Variants in FARS2 observed in about 807,000 individuals in gnomAD.
FARS2 encodes the protein phenylalanyl-tRNA synthetase 2, mitochondrial.
Under a neutral mutation model 46.4 loss-of-function variants are expected in FARS2, and 40 were observed. That is an observed-to-expected ratio of 0.86 (90% CI 0.67 to 1.12). FARS2 has a LOEUF of 1.12. Ranked by LOEUF, FARS2 falls within the 50% of genes most tolerant of loss-of-function variation. FARS2 has a pLI of 0.00. For missense variants in FARS2, 513 were observed against 567.9 expected (o/e 0.90, Z 0.98); for synonymous variants, 234 against 214.9 (o/e 1.09, Z -0.78).
chr6:5,404,584 G>C lies in FARS2; in HGVS notation c.655G>C (p.Glu219Gln), dbSNP rs1562015386. ...IKDGESLQLF[E>Q]QSSRSAHKQE... ...GGATGGAGAAAGCCTGCAGCTCTTT[G>C]AACAAAGTTCTCGCTCTGCGCATAA... The change falls in exon 3 of 7, where the codon GAA becomes CAA. Residue 219 changes from glutamate to glutamine, a missense_variant. Glu to Gln is a conservative substitution (Grantham distance 29). Coordinates refer to ENST00000274680, the MANE Select transcript of FARS2 (RefSeq NM_006567.5). The C allele has an allele frequency of 6.2e-7, 1 of 1,609,078 alleles. No homozygotes were observed. The highest frequency in any genetic ancestry group is 8.5e-7 in the Non-Finnish European group (1 of 1,177,322).
intron 1 of FARS2, among the ~76,000 whole-genome samples, chr6:5,298,452 T>G (rs1768052866): frequency 6.6e-6 from 1 of 152,192 alleles, no homozygotes; most frequent in African/African-American, 2.4e-5. Flanking sequence ...GACAAATGCT[T>G]CTTGTCCCAG....
At chr6:5,453,194 A>T (rs1159624371) in intron 4 of FARS2, among the ~76,000 whole-genome samples, 1 of 152,246 alleles carries the variant, frequency 6.6e-6, no homozygotes, top group East Asian at 1.9e-4. Context: ...TGAGATAGTG[A>T]CATCTGTAGA....
intron 4 of FARS2, among the ~76,000 whole-genome samples, chr6:5,522,688 G>A (rs759099275): frequency 6.6e-6 from 1 of 152,268 alleles, no homozygotes; most frequent in Middle Eastern, 3.4e-3. Context: ...AAGATGCATT[G>A]GATTTGCTTG....
At chr6:5,324,725 A>G (rs1029927193) in intron 1 of FARS2, among the ~76,000 whole-genome samples, 3 of 151,884 alleles carry the variant, frequency 2.0e-5, no homozygotes, top group Non-Finnish European at 2.9e-5. Context: ...CCACAACTTG[A>G]TGAAATGAAC....
At chr6:5,407,047 A>ATG (rs1233009161) in intron 3 of FARS2, among the ~76,000 whole-genome samples, 2 of 133,092 alleles carry the variant, frequency 1.5e-5, no homozygotes, top group East Asian at 2.6e-4. Context: ...GGCAAATTAT[A>ATG]TATATATATA....
At chr6:5,651,873 GCTGTCCAC>G (rs1333272120) in intron 6 of FARS2, among the ~76,000 whole-genome samples, 1 of 152,108 alleles carries the variant, frequency 6.6e-6, no homozygotes, top group African/African-American at 2.4e-5. Context: ...TTGAACCCAG[GCTGTCCAC>G]ACTCATAGCC....
At chr6:5,579,676 C>T (rs1215466884) in intron 5 of FARS2, among the ~76,000 whole-genome samples, 5 of 152,192 alleles carry the variant, frequency 3.3e-5, no homozygotes, top group Non-Finnish European at 5.9e-5. Flanking sequence ...ATGCTTTATA[C>T]GGCATGTGGA....
At chr6:5,391,749 T>C (rs556906136) in intron 2 of FARS2, among the ~76,000 whole-genome samples, 1 of 152,328 alleles carries the variant, frequency 6.6e-6, no homozygotes, top group East Asian at 1.9e-4. Context: ...CCTTTAAATG[T>C]GTGTTTAAAA....
intron 2 of FARS2, among the ~76,000 whole-genome samples, chr6:5,398,821 G>A (rs184142671): frequency 4.2e-4 from 64 of 152,078 alleles, no homozygotes; most frequent in Non-Finnish European, 8.2e-4. Context: ...TGAGAAACCT[G>A]GTTCTTCTTA....
At chr6:5,403,317 C>G (rs1462117503) in intron 2 of FARS2, among the ~76,000 whole-genome samples, 5 of 152,152 alleles carry the variant, frequency 3.3e-5, no homozygotes, top group African/African-American at 9.7e-5. Flanking sequence ...GACTGGTTTA[C>G]TTTTGTGCTC....
rs1402732120 is a variant in FARS2, at chr6:5,727,063, T to G, written c.1218-44228T>G. Among the ~76,000 whole-genome samples the G allele has an allele frequency of 6.6e-6, 1 of 152,238 alleles. No homozygotes were observed. Among genetic ancestry groups the G allele is most frequent in the African/African-American group, 2.4e-5 (1 of 41,450 alleles). ...GCCTCATTGAGCTTCACTTCCACCGTCTGTAAAGGAGCAATGCCTCTGCAG... is the reference window on the plus strand; with the variant it reads ...GCCTCATTGAGCTTCACTTCCACCGGCTGTAAAGGAGCAATGCCTCTGCAG... On this transcript the variant is annotated intron_variant, in intron 6 of 6. Transcript: ENST00000274680. This position sits in a 1 kb window ranked among gnomAD's most constrained non-coding sequence, Gnocchi z 4.1.
intron 6 of FARS2, among the ~76,000 whole-genome samples, chr6:5,696,544 C>T (rs552501385): frequency 3.8e-4 from 58 of 151,866 alleles, no homozygotes; most frequent in African/African-American, 1.2e-3. Flanking sequence ...ATTCTATACA[C>T]CATTAAGTAA....
At position 5,407,066 on chromosome 6, in the gene FARS2, T is replaced by TATATATATATATATATATATATAA. The variant is rs70975905; in HGVS notation, c.772+2366_772+2367insTATATATATATATATATATATAAA. Among the ~76,000 whole-genome samples, 1,075 of 109,204 alleles carry TATATATATATATATATATATATAA rather than the reference T, an allele frequency of 9.8e-3. 63 individuals carry two copies. The highest frequency in any genetic ancestry group is 0.018 in the East Asian group (48 of 2,622). 71.6% of individuals were successfully genotyped at this position (109,204 alleles called of 152,430 possible). ...AATTATATATATATATATATATATA[T>TATATATATATATATATATATATAA]AATGACCAATAAATATATGAAAAGA... On this transcript the variant is annotated intron_variant, in intron 3 of 6. Transcript: ENST00000274680.
chr6:5,648,814 C>A (rs1777204946), intron 6 of FARS2, among the ~76,000 whole-genome samples: 1 of 151,952 alleles, frequency 6.6e-6, no homozygotes, highest in Non-Finnish European at 1.5e-5. Flanking sequence ...CATTTGGTGC[C>A]CCTCTCCCCT....
rs757567533 is a variant in FARS2 at position 5,714,654 on chromosome 6, G to A, written c.1218-56637G>A. Among the ~76,000 whole-genome samples, 11 of 152,100 alleles carry A rather than the reference G, an allele frequency of 7.2e-5. No individual in the cohort carries two copies. The East Asian group carries it at 7.7e-4, about 11-fold the overall frequency. ...GCCCCTACTAGGTTTCCTAATGACC[G>A]TGGTTTCTGAGGGAGATGCTGAAGA... is the stretch of plus-strand genomic sequence containing the variant. On this transcript the variant is annotated intron_variant, in intron 6 of 6. Coordinates refer to ENST00000274680, the MANE Select transcript of FARS2 (RefSeq NM_006567.5).
upstream of FARS2, among the ~76,000 whole-genome samples, chr6:5,256,807 A>G (rs1764700137): frequency 6.6e-6 from 1 of 152,140 alleles, no homozygotes; most frequent in Admixed American, 6.5e-5. Flanking sequence ...AAGACCAGCT[A>G]GTTCTGTATT....
intron 4 of FARS2, among the ~76,000 whole-genome samples, chr6:5,446,845 C>T (rs1764213468): frequency 6.6e-6 from 1 of 152,100 alleles, no homozygotes; most frequent in Non-Finnish European, 1.5e-5. Flanking sequence ...ACCCATTTCC[C>T]CCGCTGTGTC....
chr6:5,486,529 C>CTT (rs1385059723), intron 4 of FARS2, among the ~76,000 whole-genome samples: 1 of 152,190 alleles, frequency 6.6e-6, no homozygotes, highest in Non-Finnish European at 1.5e-5. Context: ...GAAGTCTCCA[C>CTT]CGTCAGAACT....
intron 6 of FARS2, among the ~76,000 whole-genome samples, chr6:5,755,262 C>T (rs965075055): frequency 6.6e-6 from 1 of 152,098 alleles, no homozygotes; most frequent in African/African-American, 2.4e-5. Context: ...AGTTTTCTTA[C>T]ACATGCCATG....
Sources: allele counts gnomAD v4.1 joint callset (sites outside exome capture counted in the v4.1 genomes callset), GRCh38; gene constraint gnomAD v4.1.1; non-coding constraint Gnocchi (gnomAD v3.1); transcripts MANE v1.5; gene names NCBI Gene and HGNC (gene_info 2026-07-23, HGNC 2026-07-21).